Variants in ANXA6 observed in about 807,000 individuals in gnomAD.
ANXA6 encodes 67 kDa calelectrin.
Under a neutral mutation model 95.4 loss-of-function variants are expected in ANXA6, and 71 were observed. The ratio of observed to expected loss-of-function variants is 0.74; its 90% CI spans 0.61 to 0.91. The LOEUF (loss-of-function observed/expected upper bound fraction) is 0.91. ANXA6 is among the 40% of genes least tolerant of loss of function. ANXA6 has a pLI of 0.00. For missense variants in ANXA6, 830 were observed against 876.4 expected (o/e 0.95, Z 0.67); for synonymous variants, 289 against 315.9 (o/e 0.91, Z 0.90).
intron 23 of ANXA6, among the ~76,000 whole-genome samples, chr5:151,107,529 C>T (rs1764729029): frequency 6.6e-6 from 1 of 152,236 alleles, no homozygotes; most frequent in African/African-American, 2.4e-5. Context: ...CCAAATCTAA[C>T]ACACCTTTCC....
rs1561569895 is a variant in ANXA6, at chr5:151,117,137, T to A, written c.1562A>T (p.Glu521Val). Residue 521 changes from glutamate to valine, a missense_variant, in exon 20 of 26, where the codon GAA (glutamate) becomes GTA (valine). Transcript: ENST00000354546. ...EGGENLDQAREDAQVAAEILE... is the reference protein window; with the variant it reads ...EGGENLDQARVDAQVAAEILE... The stretch of plus-strand genomic sequence containing the variant: ...GGCTGGGGGTCTTACCTGGGCATCT[T>A]CCCGTGCCTGGTCCAGGTTTTCTCC... 2.5e-6 allele frequency: 4 copies of A among 1,591,344 alleles called. No homozygotes were observed. The highest frequency in any genetic ancestry group is 2.6e-6 in the Non-Finnish European group (3 of 1,166,918).
intron 21 of ANXA6, 48 bp downstream of exon 21, chr5:151,110,579 A>G: frequency 2.5e-6 from 4 of 1,604,252 alleles, no homozygotes; most frequent in East Asian, 2.2e-5. Flanking sequence ...GTAAAGGCGG[A>G]CTTTACTCAG....
chr5:151,152,541 C>A (rs148805745), intron 1 of ANXA6, among the ~76,000 whole-genome samples: 1 of 152,222 alleles, frequency 6.6e-6, no homozygotes, highest in African/African-American at 2.4e-5. Context: ...CTTAGCATGG[C>A]CAGGTACAGA....
At chr5:151,133,633 C>T (rs1486760494) in intron 8 of ANXA6, among the ~76,000 whole-genome samples, 1 of 152,162 alleles carries the variant, frequency 6.6e-6, no homozygotes, top group African/African-American at 2.4e-5. Flanking sequence ...CATATCTGGT[C>T]CATAATCTTA....
At chr5:151,137,190 T>G (rs1765687669) in intron 6 of ANXA6, 41 bp downstream of exon 6, 1 of 1,537,850 alleles carries the variant, frequency 6.5e-7, no homozygotes, top group East Asian at 2.3e-5. Flanking sequence ...ATCCTCATTT[T>G]GTATCTGAAG....
At position 151,105,303 on chromosome 5, in the gene ANXA6, A is replaced by T. The variant is rs1227806432; in HGVS notation, c.1781T>A (p.Val594Asp). The T allele has an allele frequency of 6.2e-7, 1 of 1,613,782 alleles. No homozygotes were observed. The highest frequency in any genetic ancestry group is 1.3e-5 in the African/African-American group (1 of 74,932). Residue 594 changes from valine (V) to aspartate (D), a missense_variant and splice_region_variant, in exon 24 of 26, where the codon GTT (valine) becomes GAT (aspartate). By Grantham distance (152) the Val-to-Asp change is radical. Coordinates refer to ENST00000354546, the MANE Select transcript of ANXA6 (RefSeq NM_001155.5). ...GDVRDAFVAI[V>D]QSVKNKPLFF... is the part of the protein sequence containing the mutation. ...GAGAGGCTTGTTCTTGACACTTTGA[A>T]CTGGTAGGAAGAGCAGAGAGATGCG... is the stretch of plus-strand genomic sequence containing the variant.
intron 16 of ANXA6, 79 bp downstream of exon 16, chr5:151,122,838 A>C: frequency 1.5e-6 from 2 of 1,307,300 alleles, no homozygotes; most frequent in Non-Finnish European, 2.2e-6. Flanking sequence ...CCAACTGTGC[A>C]GAACCGATGG....
rs1017773735 is a variant in ANXA6 at position 151,122,977 on chromosome 5, C to G, written c.1173G>C (p.Thr391=). The G allele has an allele frequency of 1.9e-6, 3 of 1,613,718 alleles. No homozygotes were observed. The African/African-American group carries it at 4.0e-5, about 22-fold the overall frequency. Reference sequence around the variant, plus strand: ...GCTGCCGCTGGACATTGCTGCGGTGCGTGATGATATCGATGATTGTGTCTT... The same window carrying G: ...GCTGCCGCTGGACATTGCTGCGGTGGGTGATGATATCGATGATTGTGTCTT... ...TDEDTIIDII[T]HRSNVQRQQI... is the part of the protein sequence containing the mutation. Residue 391 remains threonine (T), a synonymous_variant, in exon 16 of 26, where the codon ACG becomes ACC. Coordinates refer to ENST00000354546, the MANE Select transcript of ANXA6 (RefSeq NM_001155.5).
At chr5:151,143,107 T>A (rs1255705344) in intron 2 of ANXA6, among the ~76,000 whole-genome samples, 1 of 152,180 alleles carries the variant, frequency 6.6e-6, no homozygotes, top group African/African-American at 2.4e-5. Context: ...TATTACCACT[T>A]GTGTCCCAGA....
rs1383632843 is a variant in ANXA6, at chr5:151,129,440, G to T, written c.885C>A (p.Thr295=). Residue 295 remains threonine, a synonymous_variant, in exon 12 of 26, where the codon ACC becomes ACA. Transcript: ENST00000354546. The stretch of plus-strand genomic sequence containing the variant: ...TGCTGTAGAGGGACTTCTCATACTT[G>T]GTCCGGAAGATCTCCCGAATGTCGA... ...DMLDIREIFR[T]KYEKSLYSMI... is the part of the protein sequence containing the mutation. 6.2e-7 allele frequency: 1 copy of T among 1,613,430 alleles called. No homozygotes were observed. Among genetic ancestry groups the T allele is most frequent in the Non-Finnish European group, 8.5e-7 (1 of 1,179,850 alleles).
At chr5:151,154,646 C>T (rs1201212614) in intron 1 of ANXA6, among the ~76,000 whole-genome samples, 1 of 152,204 alleles carries the variant, frequency 6.6e-6, no homozygotes, top group Non-Finnish European at 1.5e-5. Context: ...GGGGTAAATG[C>T]CTTCCCTGGC....
At chr5:151,101,560 C>A in intron 25 of ANXA6, 53 bp from the exon 26 acceptor site, 2 of 1,468,206 alleles carry the variant, frequency 1.4e-6, no homozygotes, top group Non-Finnish European at 1.9e-6. Flanking sequence ...AGTCTCAATG[C>A]CCCCTCCTCC....
At chr5:151,149,829 A>G (rs984739275) in intron 1 of ANXA6, among the ~76,000 whole-genome samples, 2 of 152,204 alleles carry the variant, frequency 1.3e-5, no homozygotes, top group Admixed American at 6.5e-5. Flanking sequence ...AAAAGTGAAC[A>G]TAACAGAGGC....
chr5:151,134,781 A>G (rs571422806), intron 7 of ANXA6, among the ~76,000 whole-genome samples: 2 of 151,818 alleles, frequency 1.3e-5, no homozygotes, highest in African/African-American at 4.8e-5. Context: ...TGCCCTGAGG[A>G]CCTCTCTGAG....
chr5:151,129,694 CTGTTT>C (rs1190630205), intron 11 of ANXA6, among the ~76,000 whole-genome samples, 165 bp from the exon 12 acceptor site: 1 of 112,186 alleles, frequency 8.9e-6, no homozygotes, highest in Non-Finnish European at 1.9e-5. Context: ...GCTCCTCTTA[CTGTTT>C]TGTTTGTTTG....
chr5:151,119,063 A>G (rs1765087370), intron 18 of ANXA6, among the ~76,000 whole-genome samples: 1 of 152,136 alleles, frequency 6.6e-6, no homozygotes, highest in Admixed American at 6.5e-5. Flanking sequence ...AGCAGGCCAG[A>G]ATGTTCTCTG....
In ANXA6 at chr5:151,122,141, C is replaced by T; in HGVS notation, c.1347+6G>A. ...AGACACTAGACCCCCTGGTGCCACA[C>T]TGTACCTCCATGGCCTTCTTCAACT... On this transcript the variant is annotated splice_donor_region_variant and intron_variant, in intron 17 of 25. Coordinates refer to ENST00000354546, the MANE Select transcript of ANXA6 (RefSeq NM_001155.5). The T allele has an allele frequency of 1.3e-6, 2 of 1,576,230 alleles. No homozygotes were observed. Among genetic ancestry groups the T allele is most frequent in the Middle Eastern group, 1.7e-4 (1 of 5,940 alleles).
intron 7 of ANXA6, among the ~76,000 whole-genome samples, chr5:151,135,648 T>C (rs1260361588): frequency 6.6e-6 from 1 of 152,228 alleles, no homozygotes; most frequent in Non-Finnish European, 1.5e-5. Context: ...AGGACGCATA[T>C]GCTCTCCAGC....
Position 151,138,970 on chromosome 5 carries a change from GA to G in ANXA6, c.205-180del, listed in dbSNP as rs1243130866. On this transcript the variant is annotated intron_variant, in intron 4 of 25. Coordinates refer to ENST00000354546, the MANE Select transcript of ANXA6 (RefSeq NM_001155.5). ...CTAAGAGACAGGCTCAGAAACAACA[GA>G]GGTCTTACTCCATGTCATGCTGCTA... is the stretch of plus-strand genomic sequence containing the variant. The G allele has an allele frequency of 9.2e-5, 57 of 621,622 alleles. No individual in the cohort carries two copies. The East Asian group carries it at 1.3e-3, about 14-fold the overall frequency. The allele number at this position is 621,622 out of a possible 1,614,324, so 38.5% of individuals were successfully genotyped here. A position where few individuals can be genotyped will look rare whatever the true frequency, so the allele number is the denominator to read the frequency against.
Sources: allele counts gnomAD v4.1 joint callset (sites outside exome capture counted in the v4.1 genomes callset), GRCh38; gene constraint gnomAD v4.1.1; transcripts MANE v1.5; gene names NCBI Gene and HGNC (gene_info 2026-07-23, HGNC 2026-07-21).